HIGD1C: variants seen among roughly 807,000 people sequenced by gnomAD.
HIGD1C encodes the protein HIG1 domain family member 1C.
A neutral mutation model predicts 13.1 loss-of-function variants in HIGD1C; 11 were observed. That is an observed-to-expected ratio of 0.84 (90% CI 0.53 to 1.39). The LOEUF is 1.39. HIGD1C is among the 40% of genes most tolerant of loss of function. The pLI is 0.00. For synonymous variants in HIGD1C, 36 were observed against 37.7 expected, an observed-to-expected ratio of 0.95 and a Z score of 0.17; for missense variants, 110 against 112.0, an observed-to-expected ratio of 0.98 and a Z score of 0.08.
chr12:50,936,169 A>G, the HIGD1C span, among the ~76,000 whole-genome samples: 1 of 151,990 alleles, frequency 6.6e-6, no homozygotes, highest in Non-Finnish European at 1.5e-5. Context: ...CAAAAAAAAA[A>G]AAAAAATGTA....
the HIGD1C span, among the ~76,000 whole-genome samples, chr12:50,945,527 T>G: frequency 6.6e-6 from 1 of 152,150 alleles, no homozygotes; most frequent in Non-Finnish European, 1.5e-5. Flanking sequence ...TTACAAGGGA[T>G]GTGAAGGACC....
chr12:50,963,369 CAAAAAAAAAAAAA>C (rs35764288), intron 2 of HIGD1C, among the ~76,000 whole-genome samples: 22 of 72,404 alleles, frequency 3.0e-4, no homozygotes, highest in African/African-American at 9.6e-4. Context: ...GACTCCATCT[CAAAAAAAAAAAAA>C]AAAAAAAAAA....
the HIGD1C span, among the ~76,000 whole-genome samples, chr12:50,942,766 A>T: frequency 6.6e-6 from 1 of 151,328 alleles, no homozygotes; most frequent in Non-Finnish European, 1.5e-5. Flanking sequence ...CAGGAGGCTG[A>T]GGTGGGTGGA....
At chr12:50,931,125 G>T in the HIGD1C span, 1 of 146,308 alleles carries the variant, frequency 6.8e-6, no homozygotes, top group South Asian at 2.1e-4. Flanking sequence ...AAGAGCAGAG[G>T]TTTACTAGGC....
chr12:50,967,908 G>A (rs141506001), intron 2 of HIGD1C, among the ~76,000 whole-genome samples: 15 of 152,190 alleles, frequency 9.9e-5, no homozygotes, highest in South Asian at 2.1e-4. Context: ...GCAACATGGC[G>A]AATACCCTAT....
intron 1 of HIGD1C, 89 bp downstream of exon 3, chr12:50,954,181 AAT>A (rs1939002527): frequency 2.5e-6 from 2 of 786,682 alleles, no homozygotes; most frequent in Non-Finnish European, 4.2e-6. Flanking sequence ...TGTTTCTTAT[AAT>A]TGAATTTTTT....
chr12:50,946,608 T>C, the HIGD1C span, among the ~76,000 whole-genome samples: 1 of 152,058 alleles, frequency 6.6e-6, no homozygotes, highest in Non-Finnish European at 1.5e-5. Flanking sequence ...TGTGGAGAAA[T>C]AGGAACACTT....
At chr12:50,953,723 A>G (rs1167210699), upstream of HIGD1C, among the ~76,000 whole-genome samples, 1 of 152,220 alleles carries the variant, frequency 6.6e-6, no homozygotes. Flanking sequence ...GAGACTGAAT[A>G]ACAGCATTAT....
In HIGD1C at chr12:50,961,108, C is replaced by T; in HGVS notation, c.229+6C>T. On this transcript the variant is annotated splice_donor_region_variant and intron_variant, in intron 2 of 2. Transcript: ENST00000398455. ...TGTTGGAGCTGTGACTCTAGGTAACCCGCTTAATTTGTATCTTATGTTCAG... is the reference window on the plus strand; with the variant it reads ...TGTTGGAGCTGTGACTCTAGGTAACTCGCTTAATTTGTATCTTATGTTCAG... The T allele has an allele frequency of 6.2e-7, 1 of 1,613,342 alleles. No individual in the cohort carries two copies. The highest frequency in any genetic ancestry group is 8.5e-7 in the Non-Finnish European group (1 of 1,179,544).
intron 1 of HIGD1C, among the ~76,000 whole-genome samples, chr12:50,954,884 G>A (rs767297683): frequency 3.9e-5 from 6 of 152,202 alleles, no homozygotes; most frequent in Non-Finnish European, 5.9e-5. Flanking sequence ...GAACACTTGT[G>A]AGCATGAACT....
At chr12:50,971,869 A>C (rs1939770880), downstream of HIGD1C, among the ~76,000 whole-genome samples, 1 of 152,238 alleles carries the variant, frequency 6.6e-6, no homozygotes, top group Non-Finnish European at 1.5e-5. Flanking sequence ...ATATGTCTGC[A>C]TTCTGGATAT....
chr12:50,943,326 C>T, the HIGD1C span, among the ~76,000 whole-genome samples: 1 of 152,128 alleles, frequency 6.6e-6, no homozygotes, highest in African/African-American at 2.4e-5. Context: ...ACAGCTATGC[C>T]CTCTGCCTGG....
chr12:50,932,045 T>C, the HIGD1C span: 2 of 152,188 alleles, frequency 1.3e-5, no homozygotes, highest in Non-Finnish European at 2.9e-5. Flanking sequence ...AGTCTTAAGA[T>C]AAAGATTGTA....
chr12:50,947,862 T>C, the HIGD1C span, among the ~76,000 whole-genome samples: 1 of 152,154 alleles, frequency 6.6e-6, no homozygotes, highest in South Asian at 2.1e-4. Context: ...GGCAAGAGAA[T>C]CATGTGAGCC....
chr12:50,940,146 C>T, the HIGD1C span: 2 of 152,064 alleles, frequency 1.3e-5, no homozygotes, highest in Non-Finnish European at 2.9e-5. Flanking sequence ...AGTTCAGCAC[C>T]CTCATGAGAA....
At chr12:50,968,307 C>A (rs1214874292) in intron 2 of HIGD1C, among the ~76,000 whole-genome samples, 1 of 152,126 alleles carries the variant, frequency 6.6e-6, no homozygotes, top group East Asian at 1.9e-4. Flanking sequence ...GAACTAGAAC[C>A]CAAGAAGACA....
upstream of HIGD1C, chr12:50,953,787 A>ATTTTT: frequency 2.0e-6 from 1 of 506,372 alleles, no homozygotes; most frequent in Non-Finnish European, 3.5e-6. Context: ...TCCTCTATGT[A>ATTTTT]TTTTTTTCTT....
chr12:50,951,037 AAATT>A (rs1366966176), upstream of HIGD1C, among the ~76,000 whole-genome samples: 1 of 152,112 alleles, frequency 6.6e-6, no homozygotes, highest in Non-Finnish European at 1.5e-5. Context: ...TAGCAAACTA[AAATT>A]AATGGATTCA....
chr12:50,950,468 A>G (rs1269035799), upstream of HIGD1C, among the ~76,000 whole-genome samples: 2 of 152,168 alleles, frequency 1.3e-5, no homozygotes, highest in African/African-American at 4.8e-5. Flanking sequence ...AATAGAGAAG[A>G]AAGAAAAGCT....
Sources: gnomAD v4.1 joint callset for allele counts (sites outside exome capture counted in the v4.1 genomes callset) on GRCh38, gnomAD v4.1.1 for gene constraint, MANE v1.5 for transcripts, NCBI Gene and HGNC (gene_info 2026-07-23, HGNC 2026-07-21) for gene names.